ZNF365: variants seen among roughly 807,000 people sequenced by gnomAD.
ZNF365 encodes protein ZNF365.
Under a neutral mutation model 35.0 loss-of-function variants are expected in ZNF365, and 22 were observed. The observed-to-expected ratio is 0.63, with a 90% CI of 0.45 to 0.90. The LOEUF (loss-of-function observed/expected upper bound fraction) is 0.90, where lower values mean the gene tolerates loss of function less well. ZNF365 is among the 40% of genes least tolerant of loss of function. ZNF365 has a pLI of 0.00. For synonymous variants in ZNF365, 188 were observed against 196.2 expected (o/e 0.96, Z 0.35); for missense variants, 448 against 500.3 (o/e 0.90, Z 1.00).
In ZNF365 at chr10:62,376,306, G is replaced by C; in HGVS notation, c.113G>C (p.Arg38Thr). The C allele has an allele frequency of 1.2e-6, 2 of 1,614,140 alleles. No homozygotes were observed. The highest frequency in any genetic ancestry group is 1.7e-6 in the Non-Finnish European group (2 of 1,180,032). Residue 38 changes from arginine to threonine, a missense_variant, in exon 2 of 5, where the codon AGA becomes ACA. Arg to Thr is a moderately conservative substitution (Grantham distance 71, BLOSUM62 -1). Coordinates refer to ENST00000395254, the MANE Select transcript of ZNF365 (RefSeq NM_014951.3). The stretch of plus-strand genomic sequence containing the variant: ...AGGTGTGGAGACCATACCAGATTTA[G>C]AAGCTTGTCATCCTTGAGGGCCCAT... ...CPRCGDHTRF[R>T]SLSSLRAHLE...
intron 3 of ZNF365, among the ~76,000 whole-genome samples, chr10:62,391,621 A>G (rs1181680878): frequency 2.0e-5 from 3 of 152,238 alleles, no homozygotes; most frequent in East Asian, 1.9e-4. Flanking sequence ...TATATAAACC[A>G]CAATTTCTTT....
At chr10:62,454,572 C>T (rs1840732723) in intron 3 of ZNF365, among the ~76,000 whole-genome samples, 1 of 151,508 alleles carries the variant, frequency 6.6e-6, no homozygotes, top group Non-Finnish European at 1.5e-5. Context: ...TCTAATCTAG[C>T]TTGTGGACAT....
chr10:62,462,509 C>T (rs994710036), intron 4 of ZNF365, among the ~76,000 whole-genome samples: 6 of 152,240 alleles, frequency 3.9e-5, no homozygotes, highest in African/African-American at 7.2e-5. Flanking sequence ...TGGCATCCCA[C>T]ATGTGGCCTG....
intron 4 of ZNF365, among the ~76,000 whole-genome samples, chr10:62,465,142 T>C (rs530323267): frequency 6.6e-6 from 1 of 152,242 alleles, no homozygotes; most frequent in Non-Finnish European, 1.5e-5. Flanking sequence ...GGCCTTGTCC[T>C]GCTCCCGGAG....
intron 3 of ZNF365, among the ~76,000 whole-genome samples, chr10:62,389,481 T>C (rs1484053000): frequency 6.6e-6 from 1 of 152,080 alleles, no homozygotes; most frequent in East Asian, 1.9e-4. Context: ...AAATGGGCTC[T>C]ATTATAAGGA....
chr10:62,415,822 C>T (rs1425845909), intron 3 of ZNF365, among the ~76,000 whole-genome samples: 2 of 152,110 alleles, frequency 1.3e-5, no homozygotes, highest in Non-Finnish European at 1.5e-5. Flanking sequence ...CTTAAATTGC[C>T]AATTTGTTAA....
chr10:62,376,997 A>C, intron 2 of ZNF365, 61 bp downstream of exon 2: 1 of 1,534,936 alleles, frequency 6.5e-7, no homozygotes, highest in South Asian at 1.3e-5. Context: ...CAATCGCCTT[A>C]CAAGCAAATG....
downstream of ZNF365, among the ~76,000 whole-genome samples, chr10:62,403,275 A>G (rs561649928): frequency 6.6e-6 from 1 of 152,340 alleles, no homozygotes; most frequent in East Asian, 1.9e-4. Flanking sequence ...AGAGGACTTC[A>G]TCGTCATTGT....
intron 4 of ZNF365, among the ~76,000 whole-genome samples, chr10:62,467,263 CA>C (rs1432729110): frequency 6.6e-6 from 1 of 152,132 alleles, no homozygotes; most frequent in African/African-American, 2.4e-5. Flanking sequence ...CTGCATGATT[CA>C]ATGCTAAAAG....
Position 62,399,351 on chromosome 10 carries a change from C to T in ZNF365, c.963-177C>T, listed in dbSNP as rs189649884. On this transcript the variant is annotated intron_variant, in intron 4 of 4. Transcript: ENST00000395254. ...TTAGTACCATGTGATCTTTTCATGG[C>T]GACCACAGGAATTTTTGGAAGAAAA... Among the ~76,000 whole-genome samples, 18 of 152,130 alleles carry T rather than the reference C, an allele frequency of 1.2e-4. No homozygotes were observed. The East Asian group carries it at 2.7e-3, about 23-fold the overall frequency.
At chr10:62,446,312 G>A (rs1349234990) in intron 3 of ZNF365, among the ~76,000 whole-genome samples, 1 of 152,102 alleles carries the variant, frequency 6.6e-6, no homozygotes, top group Non-Finnish European at 1.5e-5. Flanking sequence ...CTTTGAACCC[G>A]AGTTCTGCCA....
intron 3 of ZNF365, among the ~76,000 whole-genome samples, chr10:62,457,112 C>T (rs953712319): frequency 2.0e-5 from 3 of 152,084 alleles, no homozygotes; most frequent in African/African-American, 7.2e-5. Context: ...TTCCTGAGAC[C>T]GGTGACCCAT....
rs193133059 is a variant in ZNF365, at chr10:62,450,082, G to A, written c.925-9659G>A. ...GATCCAGGAGCTCAAGACCAGCCTG[G>A]GCAACATAGCAAGATCCCCAACTCC... is the stretch of plus-strand genomic sequence containing the variant. On this transcript the variant is annotated intron_variant, in intron 3 of 4. Transcript: ENST00000395255. 8.2e-4 allele frequency among the ~76,000 whole-genome samples: 124 copies of A among 151,910 alleles called. 2 individuals are homozygous for A. In the East Asian group the frequency reaches 0.023, roughly 28 times the overall value.
intron 3 of ZNF365, among the ~76,000 whole-genome samples, chr10:62,448,176 A>T (rs1840621136): frequency 6.6e-6 from 1 of 152,238 alleles, no homozygotes; most frequent in Non-Finnish European, 1.5e-5. Flanking sequence ...AGTAAGATTC[A>T]GTATTTGTTT....
intron 3 of ZNF365, among the ~76,000 whole-genome samples, chr10:62,417,984 T>G (rs1434263790): frequency 2.6e-5 from 4 of 152,012 alleles, no homozygotes; most frequent in Admixed American, 2.6e-4. Context: ...GGGACAAGAA[T>G]GGAACTAAGA....
At chr10:62,455,501 C>A (rs1840747794) in intron 3 of ZNF365, among the ~76,000 whole-genome samples, 2 of 151,858 alleles carry the variant, frequency 1.3e-5, no homozygotes, top group Admixed American at 1.3e-4. Flanking sequence ...AAAATGAAAG[C>A]ATCTATAATC....
chr10:62,395,190 T>C (rs2132424545), intron 3 of ZNF365, among the ~76,000 whole-genome samples: 1 of 152,286 alleles, frequency 6.6e-6, no homozygotes, highest in African/African-American at 2.4e-5. Context: ...GAGTTATTCT[T>C]TGTCTCTATA....
chr10:62,465,258 C>T (rs1840921374), intron 4 of ZNF365, among the ~76,000 whole-genome samples: 1 of 152,218 alleles, frequency 6.6e-6, no homozygotes, highest in African/African-American at 2.4e-5. Context: ...GCCTCTCCAA[C>T]TGCCTTGGCT....
In ZNF365 at chr10:62,399,630, C is replaced by G. The variant is rs143052727; in HGVS notation, c.1065C>G (p.Ala355=). 2,393 of 1,614,154 alleles carry G rather than the reference C, an allele frequency of 1.5e-3. 34 individuals carry two copies. The African/African-American group carries it at 0.028, about 19-fold the overall frequency. ...TGAAAAAGGCCAAGGATGACAGAGC[C>G]AGCATGCAGCCTGCCAAGGCCATTC... is the stretch of plus-strand genomic sequence containing the variant. ...NHLKKAKDDR[A]SMQPAKAIHE... Residue 355 remains alanine (A), a synonymous_variant, in exon 5 of 5, where the codon GCC becomes GCG. Coordinates refer to ENST00000395254, the MANE Select transcript of ZNF365 (RefSeq NM_014951.3).
Sources: gnomAD v4.1 joint callset for allele counts (sites outside exome capture counted in the v4.1 genomes callset) on GRCh38, gnomAD v4.1.1 for gene constraint, MANE v1.5 for transcripts, NCBI Gene and HGNC (gene_info 2026-07-23, HGNC 2026-07-21) for gene names.